The following FBXO36 variants were observed in gnomAD, a reference collection of about 807,000 sequenced individuals.
FBXO36 encodes the protein F-box protein 36.
A neutral mutation model predicts 17.0 loss-of-function variants in FBXO36; 18 were observed. The observed-to-expected ratio is 1.06, with a 90% confidence interval of 0.73 to 1.57. The LOEUF (loss-of-function observed/expected upper bound fraction) is 1.57. Ranked by LOEUF, FBXO36 falls within the 40% of genes most tolerant of loss-of-function variation. The probability of loss-of-function intolerance (pLI) is 0.00; values close to 1 mark genes in which losing one functional copy is unlikely to be tolerated. For missense variants in FBXO36, 229 were observed against 221.9 expected (o/e 1.03, Z -0.20); for synonymous variants, 83 against 85.3 (o/e 0.97, Z 0.15).
In FBXO36 at chr2:229,954,234, ATT is replaced by A. The variant is rs60093081; in HGVS notation, c.97-21982_97-21981del. Among the ~76,000 whole-genome samples, 63 of 71,396 alleles carry A rather than the reference ATT, an allele frequency of 8.8e-4. 1 individual carries two copies. The East Asian group carries it at 0.011, about 12-fold the overall frequency. 46.8% of individuals were successfully genotyped at this position (71,396 alleles called of 152,430 possible). A position where few individuals can be genotyped will look rare whatever the true frequency, so the allele number is the denominator to read the frequency against. On this transcript the variant is annotated intron_variant, in intron 1 of 3. Transcript: ENST00000283946. ...GCAACTGTCATTACAAACCCTTTGG[ATT>A]TTTTTTTTTTTTTTTTTTTTTTTTG...
At chr2:229,976,044 G>A (rs888130216) in intron 1 of FBXO36, among the ~76,000 whole-genome samples, 197 bp from the exon 2 acceptor site, 1 of 152,108 alleles carries the variant, frequency 6.6e-6, no homozygotes, top group African/African-American at 2.4e-5. Flanking sequence ...CTAGCACTAT[G>A]GTTTTGTGAT....
At chr2:229,981,102 T>G (rs2077237012) in intron 2 of FBXO36, among the ~76,000 whole-genome samples, 1 of 152,182 alleles carries the variant, frequency 6.6e-6, no homozygotes, top group Non-Finnish European at 1.5e-5. Context: ...CGCTGTGTGA[T>G]CACAGCTGAT....
Position 230,012,796 on chromosome 2 carries a change from T to C in FBXO36, c.*1912T>C, listed in dbSNP as rs1460436752. The stretch of plus-strand genomic sequence containing the variant: ...AACTGTAACTTATTGGTAACATCAG[T>C]GCAAGATGATTAAAGCTTCATGTGT... On this transcript the variant is annotated 3_prime_UTR_variant, in exon 4 of 4. Coordinates refer to ENST00000283946, the MANE Select transcript of FBXO36 (RefSeq NM_174899.5). 6.6e-6 allele frequency: 1 copy of C among 151,768 alleles called. No homozygotes were observed. The highest frequency in any genetic ancestry group is 1.5e-5 in the Non-Finnish European group (1 of 67,884). 9.4% of individuals were successfully genotyped at this position (151,768 alleles called of 1,614,324 possible).
chr2:229,948,264 T>C (rs1442762349), intron 1 of FBXO36, among the ~76,000 whole-genome samples: 2 of 151,938 alleles, frequency 1.3e-5, no homozygotes, highest in Admixed American at 6.6e-5. Context: ...ATTGGTGTTC[T>C]AATCTACACA....
At chr2:229,934,661 T>G (rs1279616519) in intron 1 of FBXO36, among the ~76,000 whole-genome samples, 1 of 152,158 alleles carries the variant, frequency 6.6e-6, no homozygotes, top group Non-Finnish European at 1.5e-5. Context: ...TCCTTATTTA[T>G]TTTTACTTTT....
At position 229,958,416 on chromosome 2, in the gene FBXO36, G is replaced by A. The variant is rs1462414706; in HGVS notation, c.97-17825G>A. Reference sequence around the variant, plus strand: ...CTCCCGAGTAGCTGGGACTACAGGCGCCCGCCACGGCGCCCGGCTAATTTT... The same window carrying A: ...CTCCCGAGTAGCTGGGACTACAGGCACCCGCCACGGCGCCCGGCTAATTTT... On this transcript the variant is annotated intron_variant, in intron 1 of 3. Transcript: ENST00000283946. Among the ~76,000 whole-genome samples, 6 of 151,744 alleles carry A rather than the reference G, an allele frequency of 4.0e-5. No individual in the cohort carries two copies. The East Asian group carries it at 7.7e-4, about 20-fold the overall frequency.
chr2:229,977,229 C>G (rs2077213627), intron 2 of FBXO36: 1 of 152,124 alleles, frequency 6.6e-6, no homozygotes, highest in Admixed American at 6.6e-5. Flanking sequence ...AACTCCTGGC[C>G]TCAAGTGATC....
chr2:229,950,597 C>T (rs199895751), intron 1 of FBXO36, among the ~76,000 whole-genome samples: 2 of 152,114 alleles, frequency 1.3e-5, no homozygotes, highest in Non-Finnish European at 2.9e-5. Flanking sequence ...AGCTATTATT[C>T]GCAATTCATG....
At chr2:229,995,578 C>T (rs1315486771) in intron 2 of FBXO36, among the ~76,000 whole-genome samples, 1 of 111,544 alleles carries the variant, frequency 9.0e-6, no homozygotes, top group Admixed American at 9.2e-5. Flanking sequence ...TTCTTTCTTT[C>T]TTTCTCTTTC....
In FBXO36 at chr2:229,947,797, A is replaced by G. The variant is rs1032716204; in HGVS notation, c.96+25188A>G. Among the ~76,000 whole-genome samples, 10 of 152,236 alleles carry G rather than the reference A, an allele frequency of 6.6e-5. 1 individual carries two copies. Among genetic ancestry groups the G allele is most frequent in the Admixed American group, 3.3e-4 (5 of 15,274 alleles). ...ACAGGAAGTGGACTAGGTAGGTTTC[A>G]AAGGGAAGATGATGAGATCAGTTTT... On this transcript the variant is annotated intron_variant, in intron 1 of 3. Transcript: ENST00000283946.
intron 2 of FBXO36, among the ~76,000 whole-genome samples, chr2:229,995,031 T>A (rs983334442): frequency 6.6e-6 from 1 of 152,062 alleles, no homozygotes; most frequent in Non-Finnish European, 1.5e-5. Context: ...GGAGAATTGC[T>A]TGAACCCAGG....
intron 3 of FBXO36, among the ~76,000 whole-genome samples, chr2:230,000,804 C>T (rs2077354173): frequency 6.6e-6 from 1 of 151,352 alleles, no homozygotes; most frequent in South Asian, 2.1e-4. Context: ...TGGAACATGA[C>T]TCAGGGCTGC....
At chr2:229,932,105 G>A (rs1463997419) in intron 1 of FBXO36, among the ~76,000 whole-genome samples, 1 of 151,958 alleles carries the variant, frequency 6.6e-6, no homozygotes, top group Admixed American at 6.6e-5. Flanking sequence ...GTTTTAGGCT[G>A]GGCGCAGTAG....
chr2:230,005,496 A>G (rs2077382396), intron 3 of FBXO36, among the ~76,000 whole-genome samples: 1 of 152,212 alleles, frequency 6.6e-6, no homozygotes, highest in Non-Finnish European at 1.5e-5. Flanking sequence ...GTTTATCTGT[A>G]GAAAAAATTG....
At chr2:229,996,133 C>T (rs1208343420) in intron 2 of FBXO36, among the ~76,000 whole-genome samples, 2 of 151,758 alleles carry the variant, frequency 1.3e-5, no homozygotes, top group Non-Finnish European at 2.9e-5. Flanking sequence ...AAAAAAATAG[C>T]CAGGCATGGT....
At chr2:229,936,844 C>G (rs2076966774) in intron 1 of FBXO36, among the ~76,000 whole-genome samples, 1 of 152,132 alleles carries the variant, frequency 6.6e-6, no homozygotes, top group South Asian at 2.1e-4. Context: ...GCACTCCAGC[C>G]TGGGTGACAG....
At chr2:229,965,184 T>C (rs1384699291) in intron 1 of FBXO36, among the ~76,000 whole-genome samples, 1 of 140,796 alleles carries the variant, frequency 7.1e-6, no homozygotes, top group African/African-American at 2.6e-5. Context: ...AGGGTCTTAC[T>C]ATGTTGCCCA....
chr2:230,007,987 G>T (rs1265302119), intron 3 of FBXO36, among the ~76,000 whole-genome samples: 1 of 152,022 alleles, frequency 6.6e-6, no homozygotes, highest in Non-Finnish European at 1.5e-5. Flanking sequence ...CCTCGGCCTC[G>T]CAGAGTGCTG....
intron 1 of FBXO36, among the ~76,000 whole-genome samples, chr2:229,959,309 G>A (rs901041982): frequency 4.6e-5 from 7 of 152,120 alleles, no homozygotes; most frequent in African/African-American, 1.7e-4. Context: ...GTGAGCCACT[G>A]AGCATGGCCT....
Sources: gnomAD v4.1 joint callset for allele counts (sites outside exome capture counted in the v4.1 genomes callset) on GRCh38, gnomAD v4.1.1 for gene constraint, MANE v1.5 for transcripts, NCBI Gene and HGNC (gene_info 2026-07-23, HGNC 2026-07-21) for gene names.